The following DHRSX variants were observed in gnomAD, a reference collection of about 807,000 sequenced individuals.
The protein encoded by DHRSX is dehydrogenase/reductase X-linked.
In DHRSX, 31 loss-of-function variants were observed where a neutral mutation model predicts 34.0. The ratio of observed to expected loss-of-function variants is 0.91; its 90% CI spans 0.69 to 1.23. DHRSX has a LOEUF of 1.23. Among genes scored for constraint, DHRSX ranks in the 50% most tolerant of loss-of-function variants. The pLI, the probability that DHRSX is intolerant of heterozygous loss-of-function variation, is 0.00. For missense variants in DHRSX, 414 were observed against 428.1 expected (o/e 0.97, Z 0.29); for synonymous variants, 201 against 183.8 (o/e 1.09, Z -0.76).
At chrX:2,339,217 C>T (rs2042609918) in intron 3 of DHRSX, among the ~76,000 whole-genome samples, 1 of 151,904 alleles carries the variant, frequency 6.6e-6, no homozygotes, top group African/African-American at 2.4e-5. Flanking sequence ...CTCACTGCAA[C>T]CTCCACCTCC....
At chrX:2,286,693 A>G (rs1276332835) in intron 4 of DHRSX, among the ~76,000 whole-genome samples, 4 of 26,438 alleles carry the variant, frequency 1.5e-4, no homozygotes, top group East Asian at 1.2e-3. Context: ...CCCACAGAGG[A>G]AAAAAAAAAA....
chrX:2,500,815 A>C lies in DHRSX; in HGVS notation c.109+2T>G. On this transcript the variant is annotated splice_donor_variant, in intron 1 of 6. Transcript: ENST00000334651. LOFTEE classifies it high-confidence loss of function. ...CCCTGACCCCTGCCCCGCCCCGCTGACCTGGCTCCAGGAAGCCCCCGCGGC... is the reference window on the plus strand; with the variant it reads ...CCCTGACCCCTGCCCCGCCCCGCTGCCCTGGCTCCAGGAAGCCCCCGCGGC... 1 of 1,104,008 alleles carries C rather than the reference A, an allele frequency of 9.1e-7. No homozygotes were observed. Among genetic ancestry groups the C allele is most frequent in the Non-Finnish European group, 1.1e-6 (1 of 908,460 alleles). The allele number at this position is 1,104,008 out of a possible 1,614,324, so 68.4% of individuals were successfully genotyped here. A position where few individuals can be genotyped will look rare whatever the true frequency, so the allele number is the denominator to read the frequency against.
intron 4 of DHRSX, among the ~76,000 whole-genome samples, chrX:2,283,576 C>T (rs1055422875): frequency 6.6e-6 from 1 of 152,018 alleles, no homozygotes; most frequent in Non-Finnish European, 1.5e-5. Context: ...CTCAGGTGTC[C>T]GTCCACCAAA....
chrX:2,310,087 G>A (rs1382040267), intron 3 of DHRSX, among the ~76,000 whole-genome samples: 1 of 152,058 alleles, frequency 6.6e-6, no homozygotes. Flanking sequence ...AAATTCACGA[G>A]TGTCTTGGTA....
chrX:2,235,214 C>T (rs1362746130), intron 6 of DHRSX, among the ~76,000 whole-genome samples: 2 of 152,132 alleles, frequency 1.3e-5, no homozygotes, highest in Admixed American at 6.6e-5. Context: ...TTCTCACTTG[C>T]AAGTGGGAGT....
chrX:2,238,305 T>C (rs780087522), intron 6 of DHRSX, among the ~76,000 whole-genome samples: 1 of 152,248 alleles, frequency 6.6e-6, no homozygotes, highest in Admixed American at 6.5e-5. Flanking sequence ...TGCTGTGAGC[T>C]GTGATTGTAC....
At chrX:2,377,895 C>T (rs2043160396) in intron 3 of DHRSX, among the ~76,000 whole-genome samples, 1 of 152,136 alleles carries the variant, frequency 6.6e-6, no homozygotes, top group Non-Finnish European at 1.5e-5. Context: ...CGTGCCACCA[C>T]ACCCGGCTAA....
intron 3 of DHRSX, among the ~76,000 whole-genome samples, chrX:2,406,089 C>T (rs1282525405): frequency 1.3e-5 from 2 of 152,008 alleles, no homozygotes; most frequent in African/African-American, 4.8e-5. Context: ...GTCAGGAGTT[C>T]GAGACCAGCC....
intron 1 of DHRSX, among the ~76,000 whole-genome samples, chrX:2,471,186 G>A (rs2044587155): frequency 1.3e-5 from 2 of 152,154 alleles, no homozygotes; most frequent in Non-Finnish European, 2.9e-5. Context: ...ATATTTAACA[G>A]TGTTTCCTCT....
At chrX:2,308,586 C>T (rs1342340521) in intron 3 of DHRSX, among the ~76,000 whole-genome samples, 1 of 152,110 alleles carries the variant, frequency 6.6e-6, no homozygotes, top group Admixed American at 6.6e-5. Context: ...CCTTGTAACC[C>T]AACAGGGCTA....
chrX:2,265,876 A>G (rs1233103697), intron 5 of DHRSX, among the ~76,000 whole-genome samples: 182 of 61,080 alleles, frequency 3.0e-3, no homozygotes, highest in East Asian at 5.4e-3. Flanking sequence ...CAGAGCACCA[A>G]TGCTCGGCGG....
intron 1 of DHRSX, among the ~76,000 whole-genome samples, chrX:2,483,856 C>A (rs926639857): frequency 1.3e-5 from 2 of 150,596 alleles, no homozygotes; most frequent in Non-Finnish European, 2.9e-5. Context: ...GCCCACTCAC[C>A]AAGAACAGTG....
chrX:2,377,013 A>C (rs1282309560), intron 3 of DHRSX, among the ~76,000 whole-genome samples: 1 of 151,230 alleles, frequency 6.6e-6, no homozygotes, highest in Non-Finnish European at 1.5e-5. Flanking sequence ...AAAAAGGAGA[A>C]GAGGAACACT....
chrX:2,445,742 C>T (rs2044123297), intron 1 of DHRSX, among the ~76,000 whole-genome samples: 1 of 149,298 alleles, frequency 6.7e-6, no homozygotes, highest in South Asian at 2.1e-4. Flanking sequence ...GGACTGCCAC[C>T]GTGTACACAC....
intron 5 of DHRSX, among the ~76,000 whole-genome samples, chrX:2,243,787 T>TG (rs2016203132): frequency 8.0e-5 from 6 of 75,220 alleles, no homozygotes; most frequent in Admixed American, 1.6e-4. Flanking sequence ...CTATGCTCCC[T>TG]GTTTTTTTTT....
chrX:2,481,779 T>C (rs2946685), intron 1 of DHRSX, among the ~76,000 whole-genome samples: 50,162 of 151,068 alleles, frequency 0.33, 9,360 homozygotes, highest in African/African-American at 0.5. Context: ...CTCGGAGGGC[T>C]GGGCCTGCTC....
chrX:2,352,680 C>A (rs189478482), intron 3 of DHRSX, among the ~76,000 whole-genome samples: 1 of 152,116 alleles, frequency 6.6e-6, no homozygotes, highest in Non-Finnish European at 1.5e-5. Context: ...GAGAATACCA[C>A]GTTTCGGCGT....
At chrX:2,230,271 C>T (rs2015844817) in intron 6 of DHRSX, among the ~76,000 whole-genome samples, 1 of 152,216 alleles carries the variant, frequency 6.6e-6, no homozygotes, top group South Asian at 2.1e-4. Flanking sequence ...GTGCTCTCAA[C>T]TCCCCAATGA....
At chrX:2,371,569 C>T (rs865916797) in intron 3 of DHRSX, among the ~76,000 whole-genome samples, 2 of 148,944 alleles carry the variant, frequency 1.3e-5, no homozygotes, top group Non-Finnish European at 3.0e-5. Flanking sequence ...TCCCTCCTTC[C>T]ATTACCATAG....
Sources: gnomAD v4.1 joint callset for allele counts (sites outside exome capture counted in the v4.1 genomes callset) on GRCh38, gnomAD v4.1.1 for gene constraint, MANE v1.5 for transcripts, NCBI Gene and HGNC (gene_info 2026-07-23, HGNC 2026-07-21) for gene names.